Variants in MGAT4C observed in about 807,000 individuals in gnomAD.
MGAT4C encodes the protein alpha-1,3-mannosyl-glycoprotein 4-beta-N-acetylglucosaminyltransferase C.
Under a neutral mutation model 40.1 loss-of-function variants are expected in MGAT4C, and 19 were observed. The observed-to-expected ratio is 0.47, with a 90% CI of 0.33 to 0.70. The LOEUF (loss-of-function observed/expected upper bound fraction) is 0.70. Among genes scored for constraint, MGAT4C ranks in the 30% least tolerant of loss-of-function variants. The pLI, the probability that MGAT4C is intolerant of heterozygous loss-of-function variation, is 0.02. For missense variants in MGAT4C, 491 were observed against 563.2 expected, an observed-to-expected ratio of 0.87 and a Z score of 1.30; for synonymous variants, 181 against 187.1, an observed-to-expected ratio of 0.97 and a Z score of 0.27.
At chr12:86,374,706 C>A (rs896163981) in intron 3 of MGAT4C, among the ~76,000 whole-genome samples, 2 of 152,084 alleles carry the variant, frequency 1.3e-5, no homozygotes, top group Non-Finnish European at 2.9e-5. Flanking sequence ...ATGCACTTGG[C>A]CTTCAAGAAG....
chr12:86,399,545 T>A (rs1956320149), intron 3 of MGAT4C, among the ~76,000 whole-genome samples: 1 of 151,806 alleles, frequency 6.6e-6, no homozygotes, highest in South Asian at 2.1e-4. Context: ...CCTCCCAAAG[T>A]GCTGGGATTA....
rs1423622795 is a variant in MGAT4C at position 86,660,666 on chromosome 12, A to G, written c.-229+66543T>C. Among the ~76,000 whole-genome samples the G allele has an allele frequency of 2.6e-5, 4 of 152,122 alleles. No individual in the cohort carries two copies. The South Asian group carries it at 8.3e-4, about 31-fold the overall frequency. On this transcript the variant is annotated intron_variant, in intron 2 of 7. Transcript: ENST00000548651. Reference sequence around the variant, plus strand: ...GCAGTGAAGGCTGCTAAGGACAGGTACCCTAGAGGACACTAATATTTAACG... The same window carrying G: ...GCAGTGAAGGCTGCTAAGGACAGGTGCCCTAGAGGACACTAATATTTAACG...
At chr12:86,184,581 A>T (rs117261565) in intron 1 of MGAT4C, among the ~76,000 whole-genome samples, 158 of 151,968 alleles carry the variant, frequency 1.0e-3, no homozygotes, top group Non-Finnish European at 2.1e-3. Context: ...TTTTGAAGTC[A>T]ACTGGATATA....
At chr12:86,548,574 C>T (rs1484895340) in intron 2 of MGAT4C, among the ~76,000 whole-genome samples, 1 of 152,062 alleles carries the variant, frequency 6.6e-6, no homozygotes, top group Non-Finnish European at 1.5e-5. Context: ...AACAAAGGGA[C>T]ATCAGCCAGA....
At chr12:86,219,466 G>C (rs1566167099) in intron 1 of MGAT4C, among the ~76,000 whole-genome samples, 1 of 152,104 alleles carries the variant, frequency 6.6e-6, no homozygotes, top group Non-Finnish European at 1.5e-5. Flanking sequence ...TGCACCTGTT[G>C]GATCATTTGA....
In MGAT4C at chr12:86,099,742, T is replaced by C. The variant is rs76428474; in HGVS notation, c.-56-50019A>G. 3.2e-4 allele frequency among the ~76,000 whole-genome samples: 49 copies of C among 151,608 alleles called. 1 individual carries two copies. The East Asian group carries it at 9.1e-3, about 28-fold the overall frequency. ...CATAGAGTCACATTCTAATTTTTAG[T>C]TGTGTTTTTGCCACAAAATCTGAAA... On this transcript the variant is annotated intron_variant, in intron 1 of 4. Coordinates refer to ENST00000611864, the MANE Select transcript of MGAT4C (RefSeq NM_001351288.2).
intron 2 of MGAT4C, among the ~76,000 whole-genome samples, chr12:85,992,900 C>T (rs569179828): frequency 1.6e-4 from 24 of 152,328 alleles, no homozygotes; most frequent in African/African-American, 4.1e-4. Flanking sequence ...CTGCAAGAGA[C>T]GGTCCCAGGG....
intron 3 of MGAT4C, among the ~76,000 whole-genome samples, chr12:85,986,460 T>C (rs1376990497): frequency 2.0e-5 from 3 of 152,232 alleles, no homozygotes; most frequent in South Asian, 4.1e-4. Flanking sequence ...TTACACTAAG[T>C]GCAGCTTCCT....
intron 2 of MGAT4C, among the ~76,000 whole-genome samples, chr12:86,664,614 T>C (rs1964058325): frequency 6.6e-6 from 1 of 152,072 alleles, no homozygotes; most frequent in African/African-American, 2.4e-5. Flanking sequence ...ATATAAAAAT[T>C]TGATTTCCAG....
intron 1 of MGAT4C, among the ~76,000 whole-genome samples, chr12:86,055,269 G>A (rs987548725): frequency 6.6e-6 from 1 of 152,010 alleles, no homozygotes; most frequent in Non-Finnish European, 1.5e-5. Flanking sequence ...TAGAAATTGA[G>A]TGATACTAAA....
intron 2 of MGAT4C, among the ~76,000 whole-genome samples, chr12:86,532,990 T>C (rs1270065442): frequency 1.3e-5 from 2 of 152,000 alleles, no homozygotes; most frequent in African/African-American, 2.4e-5. Flanking sequence ...TATCTTCACA[T>C]TAACCATTTG....
intron 1 of MGAT4C, among the ~76,000 whole-genome samples, chr12:86,223,932 C>G (rs777073605): frequency 2.0e-5 from 3 of 152,128 alleles, no homozygotes; most frequent in African/African-American, 4.8e-5. Context: ...GTTGCTCCAC[C>G]ACTACCACAG....
intron 1 of MGAT4C, among the ~76,000 whole-genome samples, chr12:86,836,277 G>A (rs188164524): frequency 3.5e-4 from 54 of 152,124 alleles, no homozygotes; most frequent in Non-Finnish European, 7.2e-4. Context: ...CTGAATATAG[G>A]ATGTTTCATA....
intron 1 of MGAT4C, among the ~76,000 whole-genome samples, chr12:86,204,128 A>G (rs1343833743): frequency 6.6e-6 from 1 of 151,862 alleles, no homozygotes; most frequent in Non-Finnish European, 1.5e-5. Context: ...ACAGAGTCAG[A>G]TAAAGTGTTC....
intron 1 of MGAT4C, among the ~76,000 whole-genome samples, chr12:86,145,497 G>A (rs1883397503): frequency 6.6e-6 from 1 of 152,090 alleles, no homozygotes; most frequent in African/African-American, 2.4e-5. Flanking sequence ...TCCTGAATTT[G>A]GCCAAAGCTA....
intron 2 of MGAT4C, among the ~76,000 whole-genome samples, chr12:86,678,889 T>C (rs1949921840): frequency 6.6e-6 from 1 of 152,128 alleles, no homozygotes; most frequent in Non-Finnish European, 1.5e-5. Flanking sequence ...GCAGTAAACA[T>C]ACGTGTGCAT....
At chr12:86,174,946 T>G (rs1300610291) in intron 1 of MGAT4C, among the ~76,000 whole-genome samples, 1 of 152,158 alleles carries the variant, frequency 6.6e-6, no homozygotes, top group East Asian at 1.9e-4. Flanking sequence ...ATAATCACTT[T>G]CATTTGTCAC....
intron 4 of MGAT4C, among the ~76,000 whole-genome samples, chr12:86,293,540 C>A (rs938662743): frequency 5.3e-5 from 8 of 151,938 alleles, no homozygotes; most frequent in African/African-American, 1.7e-4. Flanking sequence ...GAATTCTGAG[C>A]CATTTCTTAT....
intron 1 of MGAT4C, among the ~76,000 whole-genome samples, chr12:86,165,245 T>C (rs1014732028): frequency 1.3e-5 from 2 of 152,146 alleles, no homozygotes; most frequent in Non-Finnish European, 2.9e-5. Context: ...ATAATTAATG[T>C]AGATATAAAT....
Sources: allele counts gnomAD v4.1 joint callset (sites outside exome capture counted in the v4.1 genomes callset), GRCh38; gene constraint gnomAD v4.1.1; transcripts MANE v1.5; gene names NCBI Gene and HGNC (gene_info 2026-07-23, HGNC 2026-07-21).